Variants in LCTL observed in about 807,000 individuals in gnomAD.
LCTL encodes the protein lactase like.
A neutral mutation model predicts 75.8 loss-of-function variants in LCTL; 76 were observed. The observed-to-expected ratio is 1.00, with a 90% CI of 0.83 to 1.21. The LOEUF (loss-of-function observed/expected upper bound fraction) is 1.21, where lower values mean the gene tolerates loss of function less well. Ranked by LOEUF, LCTL falls within the 50% of genes most tolerant of loss-of-function variation. The probability of loss-of-function intolerance (pLI) is 0.00; values close to 1 mark genes in which losing one functional copy is unlikely to be tolerated. For missense variants in LCTL, 670 were observed against 712.4 expected (o/e 0.94, Z 0.68); for synonymous variants, 271 against 268.8 (o/e 1.01, Z -0.08).
chr15:66,564,764 A>G, exon 2 of LCTL: 1 of 1,613,820 alleles, frequency 6.2e-7, no homozygotes, highest in East Asian at 2.2e-5. Context: ...GACGTCCCAG[A>G]TGCTAGGCCC....
chr15:66,550,601 C>G (rs866547021), intron 11 of LCTL, among the ~76,000 whole-genome samples: 1 of 152,120 alleles, frequency 6.6e-6, no homozygotes, highest in South Asian at 2.1e-4. Flanking sequence ...ACACCTCAGT[C>G]TCTGTAGTCA....
At chr15:66,552,531 C>T (rs908886712) in intron 9 of LCTL, among the ~76,000 whole-genome samples, 10 of 151,946 alleles carry the variant, frequency 6.6e-5, no homozygotes, top group Non-Finnish European at 1.2e-4. Context: ...ATTAGCCAGG[C>T]GTGGTGGCAT....
At chr15:66,561,423 GGA>G in intron 4 of LCTL, 108 bp from the exon 6 acceptor site, 1 of 1,234,208 alleles carries the variant, frequency 8.1e-7, no homozygotes, top group Non-Finnish European at 1.2e-6. Flanking sequence ...GGCCGCACAG[GGA>G]GACTGGGACT....
upstream of LCTL, among the ~76,000 whole-genome samples, chr15:66,565,698 G>A (rs528793541): frequency 4.6e-5 from 7 of 152,218 alleles, no homozygotes; most frequent in Non-Finnish European, 8.8e-5. Flanking sequence ...TCCAGTCTGA[G>A]GGGGCAGGTG....
chr15:66,563,757 G>T, intron 3 of LCTL, 132 bp from the exon 5 acceptor site: 6 of 844,766 alleles, frequency 7.1e-6, no homozygotes, highest in Non-Finnish European at 1.1e-5. Context: ...AGCATTCTGG[G>T]AGCCCAGTTA....
chr15:66,549,438 C>G (rs1307601243), intron 12 of LCTL: 1 of 152,174 alleles, frequency 6.6e-6, no homozygotes, highest in Non-Finnish European at 1.5e-5. Flanking sequence ...AAGCATATTT[C>G]TCTGATTGCC....
intron 12 of LCTL, chr15:66,548,843 A>G (rs1322632560): frequency 1.1e-5 from 3 of 284,472 alleles, no homozygotes; most frequent in African/African-American, 2.2e-5. Flanking sequence ...TGGTTCTTCT[A>G]CAGGTGCTAT....
chr15:66,553,396 A>G (rs889270039), intron 8 of LCTL, 138 bp from the exon 10 acceptor site: 5 of 668,618 alleles, frequency 7.5e-6, no homozygotes, highest in Admixed American at 3.5e-5. Context: ...AACCTTAGCC[A>G]TCCAAAGTGG....
At position 66,563,666 on chromosome 15, in the gene LCTL, C is replaced by T. The variant is rs368880124; in HGVS notation, c.371-41G>A. On this transcript the variant is annotated intron_variant, in intron 3 of 12. Transcript: ENST00000341509. The stretch of plus-strand genomic sequence containing the variant: ...AAGAAGATGCTACCAGAAAGGACCT[C>T]GGCCTTGGCCTTGGCCTTCTGGAGT... 46 of 1,464,430 alleles carry T rather than the reference C, an allele frequency of 3.1e-5. No individual in the cohort carries two copies. In the African/African-American group the frequency reaches 4.7e-4, roughly 15 times the overall value. 90.7% of individuals were successfully genotyped at this position (1,464,430 alleles called of 1,614,324 possible).
chr15:66,565,007 G>C (rs1257826909), intron 1 of LCTL, among the ~76,000 whole-genome samples, 168 bp from the exon 3 acceptor site: 1 of 152,130 alleles, frequency 6.6e-6, no homozygotes, highest in Admixed American at 6.5e-5. Context: ...GGCACGGTAG[G>C]GGAAGATATA....
Sources: allele counts gnomAD v4.1 joint callset (sites outside exome capture counted in the v4.1 genomes callset), GRCh38; gene constraint gnomAD v4.1.1; transcripts MANE v1.5; gene names NCBI Gene and HGNC (gene_info 2026-07-23, HGNC 2026-07-21).